Variants in TENM2 observed in about 807,000 individuals in gnomAD.
The protein encoded by TENM2 is teneurin transmembrane protein 2, also known as teneurin-2.
A neutral mutation model predicts 245.2 loss-of-function variants in TENM2; 52 were observed. The observed-to-expected ratio is 0.21, with a 90% CI of 0.17 to 0.27. The LOEUF (loss-of-function observed/expected upper bound fraction) is 0.27, where lower values mean the gene tolerates loss of function less well. Among genes scored for constraint, TENM2 ranks in the 10% least tolerant of loss-of-function variants. TENM2 has a pLI of 1.00. For synonymous variants in TENM2, 1,363 were observed against 1,438.9 expected (o/e 0.95, Z 1.19); for missense variants, 3,046 against 3,666.8 (o/e 0.83, Z 4.37).
chr5:167,587,494 G>A (rs537296025), intron 2 of TENM2, among the ~76,000 whole-genome samples: 25 of 152,220 alleles, frequency 1.6e-4, no homozygotes, highest in Admixed American at 3.9e-4. Context: ...CCAGTGGGTC[G>A]GATCAATGCA....
the TENM2 span, among the ~76,000 whole-genome samples, chr5:167,153,272 T>G: frequency 1.7e-3 from 260 of 152,116 alleles, no homozygotes; most frequent in African/African-American, 5.8e-3. Context: ...CGTAAGCAGT[T>G]GATTAACACG....
intron 5 of TENM2, among the ~76,000 whole-genome samples, chr5:168,012,213 A>G (rs1785271818): frequency 6.6e-6 from 1 of 152,180 alleles, no homozygotes; most frequent in Non-Finnish European, 1.5e-5. Context: ...TCAGCTCCCC[A>G]TCAGCCTTGT....
chr5:168,044,255 A>G (rs1788427917), intron 5 of TENM2, among the ~76,000 whole-genome samples: 1 of 152,176 alleles, frequency 6.6e-6, no homozygotes, highest in South Asian at 2.1e-4. Context: ...CTCTACTAAA[A>G]ATACAAAAAC....
At chr5:167,445,022 G>C (rs184277666) in intron 2 of TENM2, among the ~76,000 whole-genome samples, 1 of 152,000 alleles carries the variant, frequency 6.6e-6, no homozygotes, top group Non-Finnish European at 1.5e-5. Context: ...TGAGCATTAA[G>C]AGTTATTATA....
chr5:168,027,794 T>C (rs891420919), intron 5 of TENM2, among the ~76,000 whole-genome samples: 1 of 152,264 alleles, frequency 6.6e-6, no homozygotes, highest in Non-Finnish European at 1.5e-5. Context: ...GTTTTGCTTT[T>C]GTTTCTAGCT....
chr5:167,351,124 GAT>G (rs1257541220), intron 1 of TENM2, among the ~76,000 whole-genome samples: 6 of 120,106 alleles, frequency 5.0e-5, no homozygotes, highest in South Asian at 2.9e-4. Flanking sequence ...TATACATATG[GAT>G]ATATATATGG....
Position 167,973,917 on chromosome 5 carries a change from G to GGAAAGGGAGGATACACCA in TENM2, c.948-19015_948-18998dup, listed in dbSNP as rs1201990428. On this transcript the variant is annotated intron_variant, in intron 4 of 28. Transcript: ENST00000518659. ...ACGGTTAGATTTGCCATGAAGAGGT[G>GGAAAGGGAGGATACACCA]GAAAGGGAGGATACACCAGAAAGGG... 2.6e-4 allele frequency among the ~76,000 whole-genome samples: 39 copies of GGAAAGGGAGGATACACCA among 150,920 alleles called. 1 individual carries two copies. In the Middle Eastern group the frequency reaches 0.014, roughly 53 times the overall value.
rs1554126515 is a variant in TENM2, at chr5:167,827,634, G to GGGGC, written c.503-48349_503-48348insCGGG. On this transcript the variant is annotated intron_variant, in intron 2 of 28. Transcript: ENST00000518659. ...TGGCAAGGAGCTAGGTGGGCGGGGG[G>GGGGC]GGGGGAACAGTTTAATGAGCGTGAA... Among the ~76,000 whole-genome samples the GGGGC allele has an allele frequency of 1.7e-5, 2 of 114,814 alleles. 1 individual carries two copies. Among genetic ancestry groups the GGGGC allele is most frequent in the Non-Finnish European group, 3.6e-5 (2 of 55,070 alleles). The allele number at this position is 114,814 out of a possible 152,430, so 75.3% of individuals were successfully genotyped here.
intron 3 of TENM2, among the ~76,000 whole-genome samples, chr5:167,901,993 T>A (rs1775743559): frequency 6.6e-6 from 1 of 152,378 alleles, no homozygotes; most frequent in Middle Eastern, 3.4e-3. Context: ...AGCGAGTCTG[T>A]TTTCCCATAT....
chr5:167,350,653 G>GAT (rs1402954511), intron 1 of TENM2, among the ~76,000 whole-genome samples: 16 of 131,862 alleles, frequency 1.2e-4, no homozygotes, highest in African/African-American at 4.0e-4. Flanking sequence ...TACGTATATG[G>GAT]ATATATATAT....
chr5:168,076,791 T>G (rs1791515949), intron 7 of TENM2, among the ~76,000 whole-genome samples: 2 of 152,226 alleles, frequency 1.3e-5, no homozygotes, highest in African/African-American at 4.8e-5. Context: ...CCCTTAGGCC[T>G]TCTAAGTGAA....
chr5:168,019,330 G>A (rs924702141), intron 5 of TENM2, among the ~76,000 whole-genome samples: 14 of 152,202 alleles, frequency 9.2e-5, no homozygotes, highest in African/African-American at 1.2e-4. Flanking sequence ...GCATGGAGCC[G>A]TCTGGCAGCC....
At chr5:167,568,392 T>C (rs58111404) in intron 2 of TENM2, among the ~76,000 whole-genome samples, 11,836 of 152,068 alleles carry the variant, frequency 0.078, 1,073 homozygotes, top group East Asian at 0.27. Context: ...GTAGGCAAAA[T>C]TGAATGGCTC....
At chr5:167,445,332 T>TAGGGAGAGAGAGAGAGAG (rs71591182) in intron 2 of TENM2, among the ~76,000 whole-genome samples, 111 of 77,004 alleles carry the variant, frequency 1.4e-3, no homozygotes, top group South Asian at 3.8e-3. Context: ...TATATATATA[T>TAGGGAGAGAGAGAGAGAG]ATATAGAGAG....
chr5:167,576,810 C>G (rs1774722315), intron 2 of TENM2, among the ~76,000 whole-genome samples: 1 of 152,070 alleles, frequency 6.6e-6, no homozygotes, highest in African/African-American at 2.4e-5. Context: ...AGACTGTTTT[C>G]CCACTGAATA....
At chr5:167,344,294 A>G (rs1758314318) in intron 1 of TENM2, among the ~76,000 whole-genome samples, 2 of 111,496 alleles carry the variant, frequency 1.8e-5, no homozygotes, top group Non-Finnish European at 3.6e-5. Context: ...ACACACACAC[A>G]CACACACACA....
chr5:167,531,057 G>A (rs1582304573), intron 2 of TENM2, among the ~76,000 whole-genome samples: 1 of 152,276 alleles, frequency 6.6e-6, no homozygotes, highest in South Asian at 2.1e-4. Context: ...GAATGACACC[G>A]GGGTGTCACA....
the TENM2 span, among the ~76,000 whole-genome samples, chr5:167,057,345 C>T: frequency 1.3e-5 from 2 of 152,114 alleles, no homozygotes; most frequent in African/African-American, 4.8e-5. Context: ...GGTTCTGATG[C>T]TTGTACAGTC....
At chr5:168,088,754 C>A (rs1255912895) in intron 7 of TENM2, among the ~76,000 whole-genome samples, 1 of 152,172 alleles carries the variant, frequency 6.6e-6, no homozygotes, top group Non-Finnish European at 1.5e-5. Flanking sequence ...AGAATTCAAA[C>A]CCAGGTTTGT....
Sources: allele counts gnomAD v4.1 joint callset (sites outside exome capture counted in the v4.1 genomes callset), GRCh38; gene constraint gnomAD v4.1.1; transcripts MANE v1.5; gene names NCBI Gene and HGNC (gene_info 2026-07-23, HGNC 2026-07-21).